Variants in DMXL1 observed in about 807,000 individuals in gnomAD.
The protein encoded by DMXL1 is dmX-like protein 1.
In DMXL1, 99 loss-of-function variants were observed where a neutral mutation model predicts 319.2. The observed-to-expected ratio is 0.31, with a 90% confidence interval of 0.26 to 0.37. The LOEUF (loss-of-function observed/expected upper bound fraction) is 0.37. Among genes scored for constraint, DMXL1 ranks in the 10% least tolerant of loss-of-function variants. DMXL1 has a pLI of 1.00. For synonymous variants in DMXL1, 1,385 were observed against 1,235.2 expected (o/e 1.12, Z -2.54); for missense variants, 3,745 against 3,595.6 (o/e 1.04, Z -1.06).
chr5:119,143,233 G>C (rs73242944), intron 13 of DMXL1, among the ~76,000 whole-genome samples: 4,149 of 151,946 alleles, frequency 0.027, 215 homozygotes, highest in African/African-American at 0.095. Context: ...AAAAATTAAA[G>C]ATTGAATGCT....
chr5:119,137,140 C>G (rs1766194121), intron 13 of DMXL1, among the ~76,000 whole-genome samples: 1 of 152,258 alleles, frequency 6.6e-6, no homozygotes, highest in African/African-American at 2.4e-5. Context: ...ACACCTGTGT[C>G]AATGTGCCCT....
intron 19 of DMXL1, among the ~76,000 whole-genome samples, chr5:119,153,221 C>T (rs534484058): frequency 7.3e-4 from 111 of 152,340 alleles, no homozygotes; most frequent in Admixed American, 5.6e-3. Context: ...AAGCAATCCA[C>T]CTGCCTCGGC....
chr5:119,242,203 A>G (rs912203546), intron 42 of DMXL1, among the ~76,000 whole-genome samples: 1 of 152,138 alleles, frequency 6.6e-6, no homozygotes, highest in East Asian at 1.9e-4. Context: ...AATTATCTCA[A>G]ATCTTTAAAA....
rs76956245 is a variant in DMXL1 at position 119,153,729 on chromosome 5, G to C, written c.4702+1693G>C. ...AATGTTCTCCAGGTTCATCCATGTT[G>C]TTGCAAATGACAAGATTTCGTTTTT... On this transcript the variant is annotated intron_variant, in intron 19 of 43. Coordinates refer to ENST00000539542, the MANE Select transcript of DMXL1 (RefSeq NM_001290321.3). Among the ~76,000 whole-genome samples, 91 of 152,306 alleles carry C rather than the reference G, an allele frequency of 6.0e-4. No individual in the cohort carries two copies. The East Asian group carries it at 0.015, about 25-fold the overall frequency.
At chr5:119,202,592 C>G (rs985740171) in intron 32 of DMXL1, among the ~76,000 whole-genome samples, 6 of 152,126 alleles carry the variant, frequency 3.9e-5, no homozygotes, top group South Asian at 2.1e-4. Flanking sequence ...CCTTCACTGC[C>G]TGTAATGCCA....
intron 34 of DMXL1, among the ~76,000 whole-genome samples, chr5:119,216,051 G>A (rs906809750): frequency 7.4e-6 from 1 of 136,022 alleles, no homozygotes; most frequent in Non-Finnish European, 1.5e-5. Flanking sequence ...AGCTGAGACT[G>A]TGGGCCACTG....
intron 10 of DMXL1, among the ~76,000 whole-genome samples, chr5:119,131,987 T>A (rs1765002499): frequency 6.6e-6 from 1 of 152,198 alleles, no homozygotes; most frequent in East Asian, 1.9e-4. Context: ...AATATATACT[T>A]CTTCAAAATA....
At chr5:119,191,550 G>T (rs974556162) in intron 29 of DMXL1, among the ~76,000 whole-genome samples, 5 of 152,106 alleles carry the variant, frequency 3.3e-5, no homozygotes, top group Non-Finnish European at 7.3e-5. Context: ...AGTTTTGCTG[G>T]ATATAGGATT....
chr5:119,151,490 G>C (rs1208174472), intron 18 of DMXL1, among the ~76,000 whole-genome samples: 1 of 152,090 alleles, frequency 6.6e-6, no homozygotes, highest in African/African-American at 2.4e-5. Context: ...GGTGTTTTAT[G>C]TTTTTAGTTT....
At chr5:119,208,059 T>C (rs1201364734) in intron 34 of DMXL1, among the ~76,000 whole-genome samples, 2 of 152,156 alleles carry the variant, frequency 1.3e-5, no homozygotes, top group Non-Finnish European at 2.9e-5. Context: ...CTAAAACTTT[T>C]GCAAAATAAG....
intron 4 of DMXL1, among the ~76,000 whole-genome samples, chr5:119,108,244 A>G (rs1016039595): frequency 2.0e-4 from 30 of 152,136 alleles, no homozygotes; most frequent in African/African-American, 7.2e-4. Flanking sequence ...ACAAATCTAT[A>G]GTCTTAAATT....
chr5:119,078,941 T>G (rs762503624), intron 1 of DMXL1, among the ~76,000 whole-genome samples: 11 of 152,258 alleles, frequency 7.2e-5, no homozygotes, highest in Non-Finnish European at 1.3e-4. Context: ...GCCAGTATCC[T>G]TTAACTGTCT....
chr5:119,171,316 G>A lies in DMXL1; in HGVS notation c.6489+36G>A, dbSNP rs375781340. The stretch of plus-strand genomic sequence containing the variant: ...TACTTGATAGTCAAAAATGGTACAT[G>A]TCTAAAACTGTTTTTGGTGTTTCTT... On this transcript the variant is annotated intron_variant, in intron 24 of 43. Transcript: ENST00000539542. 29 of 1,529,334 alleles carry A rather than the reference G, an allele frequency of 1.9e-5. No individual in the cohort carries two copies. The African/African-American group carries it at 3.8e-4, about 20-fold the overall frequency. The allele number at this position is 1,529,334 out of a possible 1,614,324, so 94.7% of individuals were successfully genotyped here.
At chr5:119,108,609 A>G (rs1440276772) in intron 4 of DMXL1, among the ~76,000 whole-genome samples, 1 of 151,990 alleles carries the variant, frequency 6.6e-6, no homozygotes, top group Non-Finnish European at 1.5e-5. Flanking sequence ...CTGTAGAGGC[A>G]GGGTTTCACT....
chr5:119,170,815 C>T lies in DMXL1; in HGVS notation c.6024C>T (p.Phe2008=), dbSNP rs749866614. 3.7e-6 allele frequency: 6 copies of T among 1,611,290 alleles called. No individual in the cohort carries two copies. Among genetic ancestry groups the T allele is most frequent in the South Asian group, 1.1e-5 (1 of 90,848 alleles). The change falls in exon 24 of 44, where the codon TTC becomes TTT. Residue 2008 remains phenylalanine (F), a synonymous_variant. Coordinates refer to ENST00000539542, the MANE Select transcript of DMXL1 (RefSeq NM_001290321.3). ...TAAGTTCTAACTACACAGAATCTTTCAGCACACTAGATGAAAATGACCTTT... is the reference window on the plus strand; with the variant it reads ...TAAGTTCTAACTACACAGAATCTTTTAGCACACTAGATGAAAATGACCTTT... The part of the protein sequence containing the change: ...DDISSNYTES[F]STLDENDLLN...
intron 30 of DMXL1, among the ~76,000 whole-genome samples, chr5:119,195,582 G>A (rs1463075298): frequency 1.3e-5 from 2 of 152,154 alleles, no homozygotes; most frequent in Non-Finnish European, 2.9e-5. Context: ...TGGTGGTGGG[G>A]GGAGAATGGG....
intron 34 of DMXL1, among the ~76,000 whole-genome samples, 167 bp downstream of exon 34, chr5:119,207,063 G>C (rs1425706058): frequency 6.6e-6 from 1 of 152,144 alleles, no homozygotes; most frequent in Non-Finnish European, 1.5e-5. Flanking sequence ...AGTTGTAAAA[G>C]TGGTTTCTGT....
intron 1 of DMXL1, among the ~76,000 whole-genome samples, chr5:119,075,774 A>G (rs180978544): frequency 6.6e-6 from 1 of 150,808 alleles, no homozygotes; most frequent in East Asian, 1.9e-4. Context: ...TATGTTGCCC[A>G]GGCTGATGTC....
intron 1 of DMXL1, among the ~76,000 whole-genome samples, chr5:119,091,955 T>C (rs1027269841): frequency 2.0e-5 from 3 of 152,228 alleles, no homozygotes; most frequent in African/African-American, 4.8e-5. Flanking sequence ...GCACTTGTGA[T>C]GCTTCTTATG....
Sources: gnomAD v4.1 joint callset for allele counts (sites outside exome capture counted in the v4.1 genomes callset) on GRCh38, gnomAD v4.1.1 for gene constraint, MANE v1.5 for transcripts, NCBI Gene and HGNC (gene_info 2026-07-23, HGNC 2026-07-21) for gene names.